The following EPHA4 variants were observed in gnomAD, a reference collection of about 807,000 sequenced individuals.
The protein encoded by EPHA4 is EPH receptor A4, also known as ephrin type-A receptor 4.
A neutral mutation model predicts 108.3 loss-of-function variants in EPHA4; 19 were observed. The ratio of observed to expected loss-of-function variants is 0.18; its 90% CI spans 0.12 to 0.26. EPHA4 has a LOEUF of 0.26. EPHA4 is among the 10% of genes least tolerant of loss of function. The pLI, the probability that EPHA4 is intolerant of heterozygous loss-of-function variation, is 1.00. For missense variants in EPHA4, 917 were observed against 1,254.0 expected (o/e 0.73, Z 4.06); for synonymous variants, 449 against 455.5 (o/e 0.99, Z 0.18).
At chr2:221,537,566 G>A (rs1346749691) in intron 3 of EPHA4, among the ~76,000 whole-genome samples, 2 of 152,218 alleles carry the variant, frequency 1.3e-5, no homozygotes, top group African/African-American at 4.8e-5. Flanking sequence ...GAGGTGAACA[G>A]TGCTTGAAGC....
chr2:221,519,954 C>T (rs1268862890), intron 3 of EPHA4, among the ~76,000 whole-genome samples: 1 of 152,094 alleles, frequency 6.6e-6, no homozygotes, highest in Non-Finnish European at 1.5e-5. Context: ...CTCTTTATTT[C>T]CTCTGTAGTT....
intron 3 of EPHA4, among the ~76,000 whole-genome samples, chr2:221,528,874 G>A (rs1440070902): frequency 6.6e-6 from 1 of 152,136 alleles, no homozygotes; most frequent in African/African-American, 2.4e-5. Context: ...CTAAAGGCAT[G>A]CTCTTATCCT....
chr2:221,441,920 C>T (rs1392490654), intron 11 of EPHA4, among the ~76,000 whole-genome samples: 1 of 152,194 alleles, frequency 6.6e-6, no homozygotes, highest in Non-Finnish European at 1.5e-5. Flanking sequence ...AGTGATTACA[C>T]CCAGCATCAG....
intron 17 of EPHA4, chr2:221,422,211 C>T (rs1689780249): frequency 6.6e-6 from 1 of 152,176 alleles, no homozygotes; most frequent in Admixed American, 6.5e-5. Context: ...ACTATTTCCT[C>T]TCTGGAAATC....
Position 221,450,785 on chromosome 2 carries a change from A to T in EPHA4, c.1716-4604T>A, listed in dbSNP as rs116169602. ...CCCACTGTCACTAGCAATCATTAGA[A>T]GGTTCGTATAAAAACAGCATGTGCC... On this transcript the variant is annotated intron_variant, in intron 8 of 17. Transcript: ENST00000281821. Among the ~76,000 whole-genome samples the T allele has an allele frequency of 8.1e-3, 1,227 of 152,324 alleles. 26 individuals carry two copies. The highest frequency in any genetic ancestry group is 0.028 in the African/African-American group (1,170 of 41,562).
chr2:221,474,691 T>C (rs3770150), intron 5 of EPHA4, among the ~76,000 whole-genome samples: 81,257 of 151,940 alleles, frequency 0.53, 21,929 homozygotes, highest in Non-Finnish European at 0.56. Context: ...TGTTGTCTGT[T>C]TGAAGGATTT....
At chr2:221,483,309 C>T (rs1025289882) in intron 4 of EPHA4, among the ~76,000 whole-genome samples, 1 of 152,140 alleles carries the variant, frequency 6.6e-6, no homozygotes, top group Non-Finnish European at 1.5e-5. Context: ...GGCTCCCAGA[C>T]CCCTCCTCCT....
At chr2:221,508,828 C>T (rs1480598417) in intron 3 of EPHA4, among the ~76,000 whole-genome samples, 1 of 152,134 alleles carries the variant, frequency 6.6e-6, no homozygotes, top group Non-Finnish European at 1.5e-5. Context: ...AGGAAACTTA[C>T]CAAACTAATA....
At chr2:221,570,041 G>A (rs1179402876) in intron 1 of EPHA4, among the ~76,000 whole-genome samples, 1 of 142,252 alleles carries the variant, frequency 7.0e-6, no homozygotes, top group African/African-American at 2.7e-5. Context: ...TCTTCTCTCT[G>A]TCCCTAGAGA....
At chr2:221,458,977 A>G (rs1691051186) in intron 5 of EPHA4, among the ~76,000 whole-genome samples, 1 of 152,174 alleles carries the variant, frequency 6.6e-6, no homozygotes, top group South Asian at 2.1e-4. Flanking sequence ...AATGTCAAAA[A>G]CTGGCCACTG....
intron 10 of EPHA4, among the ~76,000 whole-genome samples, 194 bp from the exon 11 acceptor site, chr2:221,443,208 G>C (rs772009716): frequency 1.3e-5 from 2 of 151,940 alleles, no homozygotes; most frequent in Non-Finnish European, 2.9e-5. Context: ...GAAAACTAAG[G>C]CTTAATGCAA....
At chr2:221,455,427 G>A in intron 8 of EPHA4, 120 bp downstream of exon 8, 1 of 730,792 alleles carries the variant, frequency 1.4e-6, no homozygotes, top group South Asian at 1.7e-5. Flanking sequence ...GAGGAAACTT[G>A]GGATGCAGAT....
At chr2:221,459,909 A>G (rs1691087522) in intron 5 of EPHA4, among the ~76,000 whole-genome samples, 1 of 152,202 alleles carries the variant, frequency 6.6e-6, no homozygotes, top group African/African-American at 2.4e-5. Context: ...GATCCTGATA[A>G]TCGACAGATT....
chr2:221,460,094 G>A (rs895367718), intron 5 of EPHA4, among the ~76,000 whole-genome samples: 1 of 152,102 alleles, frequency 6.6e-6, no homozygotes, highest in African/African-American at 2.4e-5. Flanking sequence ...ACTCAACTAA[G>A]GTGCTCAAAA....
At chr2:221,450,521 A>G (rs571414541) in intron 8 of EPHA4, among the ~76,000 whole-genome samples, 1 of 152,332 alleles carries the variant, frequency 6.6e-6, no homozygotes, top group South Asian at 2.1e-4. Flanking sequence ...AGTTAAGAAG[A>G]TATTAAAATA....
intron 1 of EPHA4, among the ~76,000 whole-genome samples, chr2:221,569,759 G>A (rs184459227): frequency 2.5e-3 from 380 of 152,138 alleles, no homozygotes; most frequent in Middle Eastern, 0.014. Context: ...GGAGGGGTGG[G>A]AATGGGAAGC....
At chr2:221,427,474 G>C (rs1266338547) in intron 15 of EPHA4, among the ~76,000 whole-genome samples, 1 of 152,188 alleles carries the variant, frequency 6.6e-6, no homozygotes, top group South Asian at 2.1e-4. Context: ...AAACTATTAA[G>C]AGAATTATAG....
intron 3 of EPHA4, among the ~76,000 whole-genome samples, chr2:221,556,475 T>C (rs896386970): frequency 6.7e-6 from 1 of 150,346 alleles, no homozygotes; most frequent in African/African-American, 2.4e-5. Flanking sequence ...TTTTGTATTT[T>C]TTTTTTTTTT....
At chr2:221,426,918 A>T (rs1231285115) in intron 15 of EPHA4, among the ~76,000 whole-genome samples, 1 of 152,194 alleles carries the variant, frequency 6.6e-6, no homozygotes, top group African/African-American at 2.4e-5. Flanking sequence ...TGGGGTGAAG[A>T]CTGGGAGAGC....
Sources: allele counts gnomAD v4.1 joint callset (sites outside exome capture counted in the v4.1 genomes callset), GRCh38; gene constraint gnomAD v4.1.1; transcripts MANE v1.5; gene names NCBI Gene and HGNC (gene_info 2026-07-23, HGNC 2026-07-21).